Variants in MACROD2 observed in about 807,000 individuals in gnomAD.
The protein encoded by MACROD2 is ADP-ribose glycohydrolase MACROD2.
In MACROD2, 36 loss-of-function variants were observed where a neutral mutation model predicts 70.4. The ratio of observed to expected loss-of-function variants is 0.51; its 90% CI spans 0.39 to 0.68. The LOEUF (loss-of-function observed/expected upper bound fraction) is 0.68, where lower values mean the gene tolerates loss of function less well. Among genes scored for constraint, MACROD2 ranks in the 30% least tolerant of loss-of-function variants. The pLI, the probability that MACROD2 is intolerant of heterozygous loss-of-function variation, is 0.00. For synonymous variants in MACROD2, 172 were observed against 178.8 expected, an observed-to-expected ratio of 0.96 and a Z score of 0.30; for missense variants, 496 against 538.4, an observed-to-expected ratio of 0.92 and a Z score of 0.78.
intron 10 of MACROD2, among the ~76,000 whole-genome samples, chr20:15,888,170 C>G (rs1392133197): frequency 6.6e-6 from 1 of 152,132 alleles, no homozygotes; most frequent in African/African-American, 2.4e-5. Flanking sequence ...AGAATAAGAC[C>G]TAAGACAAGG....
chr20:15,625,246 C>G (rs2049185442), intron 8 of MACROD2, among the ~76,000 whole-genome samples: 1 of 152,066 alleles, frequency 6.6e-6, no homozygotes, highest in Non-Finnish European at 1.5e-5. Context: ...GAGAAGACCA[C>G]AAGTGACTAT....
At chr20:15,370,438 G>A (rs1485353196) in intron 6 of MACROD2, among the ~76,000 whole-genome samples, 4 of 152,028 alleles carry the variant, frequency 2.6e-5, no homozygotes, top group African/African-American at 9.7e-5. Context: ...GTGGTGAGCT[G>A]ATTGAGAGGT....
chr20:15,222,081 A>G (rs924191239), intron 5 of MACROD2, among the ~76,000 whole-genome samples: 6 of 152,220 alleles, frequency 3.9e-5, no homozygotes, highest in Admixed American at 2.6e-4. Flanking sequence ...AACTCAAAGG[A>G]AACTAGATTT....
intron 5 of MACROD2, among the ~76,000 whole-genome samples, chr20:14,845,019 C>G (rs2122288919): frequency 6.6e-6 from 1 of 152,214 alleles, no homozygotes; most frequent in South Asian, 2.1e-4. Context: ...GAAATCTCAT[C>G]CATCCTTGAA....
intron 5 of MACROD2, among the ~76,000 whole-genome samples, chr20:14,981,432 GTATATATA>G (rs747438726): frequency 2.3e-4 from 33 of 141,466 alleles, no homozygotes; most frequent in African/African-American, 8.4e-4. Flanking sequence ...ATATGTATAT[GTATATATA>G]TATATATATA....
At chr20:14,902,816 CAT>C (rs1316086049) in intron 5 of MACROD2, among the ~76,000 whole-genome samples, 1 of 151,990 alleles carries the variant, frequency 6.6e-6, no homozygotes, top group African/African-American at 2.4e-5. Context: ...ATGAACTCCA[CAT>C]GAGGGAAACA....
chr20:14,332,063 T>A (rs1040208246), intron 3 of MACROD2, among the ~76,000 whole-genome samples: 7 of 152,190 alleles, frequency 4.6e-5, no homozygotes, highest in African/African-American at 1.7e-4. Flanking sequence ...AAACATTTTT[T>A]AATGGAATCA....
At chr20:15,440,633 G>A (rs557040379) in intron 7 of MACROD2, among the ~76,000 whole-genome samples, 2 of 152,320 alleles carry the variant, frequency 1.3e-5, no homozygotes, top group South Asian at 4.1e-4. Flanking sequence ...CCAAGGGCAT[G>A]CCCTTCATCA....
At chr20:14,018,084 T>G (rs576718470) in intron 2 of MACROD2, among the ~76,000 whole-genome samples, 11 of 152,298 alleles carry the variant, frequency 7.2e-5, no homozygotes, top group Admixed American at 2.6e-4. Flanking sequence ...GCATATCATT[T>G]TTCATTGTAT....
At chr20:14,421,310 G>C (rs1045125226) in intron 3 of MACROD2, among the ~76,000 whole-genome samples, 2 of 152,210 alleles carry the variant, frequency 1.3e-5, no homozygotes, top group African/African-American at 4.8e-5. Context: ...TAAATGTTTA[G>C]TAGAAATCAC....
chr20:15,934,734 G>A (rs2065632297), intron 11 of MACROD2, among the ~76,000 whole-genome samples: 2 of 152,000 alleles, frequency 1.3e-5, no homozygotes, highest in African/African-American at 4.8e-5. Context: ...GTCTTGCTCT[G>A]TCACCCAGGC....
chr20:14,644,351 C>A (rs1839084898), intron 4 of MACROD2, among the ~76,000 whole-genome samples: 1 of 152,168 alleles, frequency 6.6e-6, no homozygotes, highest in Non-Finnish European at 1.5e-5. Context: ...AAGCCCATTT[C>A]AAAGCTTGTT....
chr20:15,591,139 A>G (rs1301986996), intron 8 of MACROD2, among the ~76,000 whole-genome samples: 3 of 152,176 alleles, frequency 2.0e-5, no homozygotes, highest in Non-Finnish European at 2.9e-5. Context: ...CTAGTAGTTC[A>G]GCGGATTTGA....
intron 8 of MACROD2, among the ~76,000 whole-genome samples, chr20:15,575,565 G>A (rs2048436271): frequency 6.6e-6 from 1 of 152,174 alleles, no homozygotes; most frequent in African/African-American, 2.4e-5. Context: ...TGGTGCTGGA[G>A]TAGGGAAACC....
At chr20:15,867,184 C>A (rs1275256934) in intron 9 of MACROD2, among the ~76,000 whole-genome samples, 4 of 152,028 alleles carry the variant, frequency 2.6e-5, no homozygotes, top group Non-Finnish European at 5.9e-5. Context: ...GGATTTGGAC[C>A]CACTCTAATT....
intron 5 of MACROD2, among the ~76,000 whole-genome samples, chr20:14,971,752 C>T (rs1183148432): frequency 3.9e-4 from 60 of 152,100 alleles, no homozygotes; most frequent in Non-Finnish European, 4.4e-5. Context: ...ATTTACATAG[C>T]GCATGGGGAA....
chr20:14,656,248 T>TC (rs930025161), intron 4 of MACROD2, among the ~76,000 whole-genome samples: 12 of 151,948 alleles, frequency 7.9e-5, no homozygotes, highest in South Asian at 2.1e-4. Flanking sequence ...GGAGGTCTGC[T>TC]CCCCCCCACC....
chr20:15,655,349 T>G (rs1316531918), intron 8 of MACROD2, among the ~76,000 whole-genome samples: 1 of 151,840 alleles, frequency 6.6e-6, no homozygotes, highest in African/African-American at 2.4e-5. Flanking sequence ...TTCTCTTCTC[T>G]TTCTCTGTTG....
chr20:15,563,283 C>G (rs542912872), intron 8 of MACROD2, among the ~76,000 whole-genome samples: 1 of 152,266 alleles, frequency 6.6e-6, no homozygotes, highest in South Asian at 2.1e-4. Context: ...CTTCTTCTGT[C>G]CCATCCTCCT....
Sources: gnomAD v4.1 joint callset for allele counts (sites outside exome capture counted in the v4.1 genomes callset) on GRCh38, gnomAD v4.1.1 for gene constraint, MANE v1.5 for transcripts, NCBI Gene and HGNC (gene_info 2026-07-23, HGNC 2026-07-21) for gene names.